Variants in APCDD1 observed in about 807,000 individuals in gnomAD.
APCDD1 encodes the protein protein APCDD1.
APCDD1 carries 15 observed loss-of-function variants against 38.1 expected under a neutral mutation model. The ratio of observed to expected loss-of-function variants is 0.39; its 90% CI spans 0.26 to 0.61. The LOEUF (loss-of-function observed/expected upper bound fraction) is 0.61. Among genes scored for constraint, APCDD1 ranks in the 20% least tolerant of loss-of-function variants. The pLI is 0.49. For missense variants in APCDD1, 647 were observed against 696.2 expected (o/e 0.93, Z 0.79); for synonymous variants, 261 against 279.7 (o/e 0.93, Z 0.67).
rs150951112 is a variant in APCDD1 at position 10,469,860 on chromosome 18, G to T, written c.242+1208G>T. Among the ~76,000 whole-genome samples, 26 of 152,308 alleles carry T rather than the reference G, an allele frequency of 1.7e-4. 1 individual carries two copies. In the East Asian group the frequency reaches 4.8e-3, roughly 28 times the overall value. On this transcript the variant is annotated intron_variant, in intron 2 of 4. Coordinates refer to ENST00000355285, the MANE Select transcript of APCDD1 (RefSeq NM_153000.5). This position sits in a 1 kb window ranked among gnomAD's most constrained non-coding sequence, Gnocchi z 5.5. The stretch of plus-strand genomic sequence containing the variant: ...GGAGGACCTGCTGGCTGAGAACCCT[G>T]TGGCTGGGATGCAGTAAACCAGGGC...
At chr18:10,474,777 A>G (rs1001233077) in intron 3 of APCDD1, among the ~76,000 whole-genome samples, 1 of 152,192 alleles carries the variant, frequency 6.6e-6, no homozygotes, top group Non-Finnish European at 1.5e-5. Flanking sequence ...GGGACACTTC[A>G]TTCCCGTCAA....
rs968262916 is a variant in APCDD1 at position 10,475,801 on chromosome 18, G to A, written c.774+3740G>A. Reference sequence around the variant, plus strand: ...GCCTCGCAAGATGGCTGAGGGGGGGGGGGGTCAGTGGAAGGCCGAGTGGCT... The same window carrying A: ...GCCTCGCAAGATGGCTGAGGGGGGGAGGGGTCAGTGGAAGGCCGAGTGGCT... On this transcript the variant is annotated intron_variant, in intron 3 of 4. Transcript: ENST00000355285. This position sits in a 1 kb window ranked among gnomAD's most constrained non-coding sequence, Gnocchi z 4.0. 2.0e-5 allele frequency: 3 copies of A among 151,690 alleles called. No individual in the cohort carries two copies. Among genetic ancestry groups the A allele is most frequent in the Non-Finnish European group, 4.4e-5 (3 of 68,146 alleles). The allele number at this position is 151,690 out of a possible 1,614,324, so 9.4% of individuals were successfully genotyped here.
chr18:10,484,934 C>T (rs528542996), intron 3 of APCDD1, among the ~76,000 whole-genome samples: 1 of 152,308 alleles, frequency 6.6e-6, no homozygotes, highest in East Asian at 1.9e-4. Context: ...TGGGTACATA[C>T]CCAGAAGTGA....
chr18:10,473,925 A>ATTTTT (rs10691722), intron 3 of APCDD1, among the ~76,000 whole-genome samples: 34 of 127,804 alleles, frequency 2.7e-4, no homozygotes, highest in Middle Eastern at 3.9e-3. Flanking sequence ...CCTTTCTGGG[A>ATTTTT]TTTTTTTTTT....
Position 10,455,365 on chromosome 18 carries a change from G to A in APCDD1, c.58+326G>A, listed in dbSNP as rs188011120. ...TCCAGTCCGAGGGAAACTTTCGTCCGCTCTGCTGGATTTTCCAACTGTACA... is the reference window on the plus strand; with the variant it reads ...TCCAGTCCGAGGGAAACTTTCGTCCACTCTGCTGGATTTTCCAACTGTACA... On this transcript the variant is annotated intron_variant, in intron 1 of 4. Coordinates refer to ENST00000355285, the MANE Select transcript of APCDD1 (RefSeq NM_153000.5). Among the ~76,000 whole-genome samples, 469 of 152,346 alleles carry A rather than the reference G, an allele frequency of 3.1e-3. 2 individuals carry two copies. Among genetic ancestry groups the A allele is most frequent in the African/African-American group, 0.011 (448 of 41,584 alleles).
chr18:10,482,403 G>T (rs533295143), intron 3 of APCDD1, among the ~76,000 whole-genome samples: 60 of 152,320 alleles, frequency 3.9e-4, no homozygotes, highest in African/African-American at 1.4e-3. Context: ...AGGCGGAGGG[G>T]GTAGCCACTA....
At chr18:10,486,212 G>A (rs548932590) in intron 4 of APCDD1, among the ~76,000 whole-genome samples, 1 of 152,270 alleles carries the variant, frequency 6.6e-6, no homozygotes, top group African/African-American at 2.4e-5. Flanking sequence ...AAATTAGCTG[G>A]ATGTGGTGGC....
Position 10,488,744 on chromosome 18 carries a change from C to T in APCDD1, c.*706C>T, listed in dbSNP as rs2031308905. On this transcript the variant is annotated 3_prime_UTR_variant, in exon 5 of 5. Coordinates refer to ENST00000355285, the MANE Select transcript of APCDD1 (RefSeq NM_153000.5). Reference sequence around the variant, plus strand: ...TTACCTTGTTGAGAGAGGAGACTGGCTTGTTGGCTTCTGGTTGTTGCAGGA... The same window carrying T: ...TTACCTTGTTGAGAGAGGAGACTGGTTTGTTGGCTTCTGGTTGTTGCAGGA... The T allele has an allele frequency of 6.6e-6, 1 of 151,330 alleles. No homozygotes were observed. Among genetic ancestry groups the T allele is most frequent in the African/African-American group, 2.4e-5 (1 of 40,964 alleles). 9.4% of individuals were successfully genotyped at this position (151,330 alleles called of 1,614,324 possible).
chr18:10,455,531 C>G (rs1159970879), intron 1 of APCDD1, among the ~76,000 whole-genome samples: 1 of 152,210 alleles, frequency 6.6e-6, no homozygotes, highest in African/African-American at 2.4e-5. Context: ...CTTCTGAAAA[C>G]TAGTGTTTGT....
rs1443752815 is a variant in APCDD1, at chr18:10,489,691, TC to T, written c.*1655del. ...TCGAGCCTGGGCAACAGAGCGAGAC[TC>T]CATCTCAAAAAAAAAAAAAAGTAAC... On this transcript the variant is annotated 3_prime_UTR_variant, in exon 5 of 5. Transcript: ENST00000355285. 1 of 125,884 alleles carries T rather than the reference TC, an allele frequency of 7.9e-6. No homozygotes were observed. The highest frequency in any genetic ancestry group is 1.6e-5 in the Non-Finnish European group (1 of 61,302). 7.8% of individuals were successfully genotyped at this position (125,884 alleles called of 1,614,324 possible). A position where few individuals can be genotyped will look rare whatever the true frequency, so the allele number is the denominator to read the frequency against.
rs567240333 is a variant in APCDD1, at chr18:10,476,388, A to G, written c.774+4327A>G. Reference sequence around the variant, plus strand: ...TGCTGGGAGGGTTCATTCAGGATGGAACTGGCTACTCTTCATTATAAAAAA... The same window carrying G: ...TGCTGGGAGGGTTCATTCAGGATGGGACTGGCTACTCTTCATTATAAAAAA... On this transcript the variant is annotated intron_variant, in intron 3 of 4. Coordinates refer to ENST00000355285, the MANE Select transcript of APCDD1 (RefSeq NM_153000.5). This position sits in a 1 kb window ranked among gnomAD's most constrained non-coding sequence, Gnocchi z 5.8. The G allele has an allele frequency of 1.3e-5, 2 of 152,350 alleles. No individual in the cohort carries two copies. Among genetic ancestry groups the G allele is most frequent in the East Asian group, 3.9e-4 (2 of 5,174 alleles). 9.4% of individuals were successfully genotyped at this position (152,350 alleles called of 1,614,324 possible).
At position 10,489,790 on chromosome 18, in the gene APCDD1, T is replaced by C. The variant is rs536180992; in HGVS notation, c.*1752T>C. On this transcript the variant is annotated 3_prime_UTR_variant, in exon 5 of 5. Coordinates refer to ENST00000355285, the MANE Select transcript of APCDD1 (RefSeq NM_153000.5). The stretch of plus-strand genomic sequence containing the variant: ...ACATAGAGTACCAAAGTGCTTCAGG[T>C]TATATTTTAAGTTGTGGTGCAGACT... 6.6e-6 allele frequency: 1 copy of C among 152,206 alleles called. No homozygotes were observed. Among genetic ancestry groups the C allele is most frequent in the Non-Finnish European group, 1.5e-5 (1 of 68,020 alleles). The allele number at this position is 152,206 out of a possible 1,614,324, so 9.4% of individuals were successfully genotyped here. A position where few individuals can be genotyped will look rare whatever the true frequency, so the allele number is the denominator to read the frequency against.
At chr18:10,463,839 T>C (rs1310025687) in intron 1 of APCDD1, among the ~76,000 whole-genome samples, 1 of 152,190 alleles carries the variant, frequency 6.6e-6, no homozygotes, top group Non-Finnish European at 1.5e-5. Flanking sequence ...ACCCCATTTT[T>C]CCATCTTAGA....
Position 10,485,736 on chromosome 18 carries a change from G to A in APCDD1, c.1049G>A (p.Gly350Asp), listed in dbSNP as rs758100126. ...TACGCCCGGGGCCGCTACAGCCGCG[G>A]CGTCCTCTCGTCCAGGGTCATGGGA... ...SIYARGRYSR[G>D]VLSSRVMGGT... Residue 350 changes from glycine (G) to aspartate (D), a missense_variant, in exon 4 of 5, where the codon GGC (glycine) becomes GAC (aspartate). Physicochemically the swap from Gly to Asp is moderately conservative, Grantham distance 94. Coordinates refer to ENST00000355285, the MANE Select transcript of APCDD1 (RefSeq NM_153000.5). The surrounding 1 kb of genome is among the most constrained non-coding windows in gnomAD (Gnocchi z 5.8). The A allele has an allele frequency of 1.2e-6, 2 of 1,614,016 alleles. No individual in the cohort carries two copies. The highest frequency in any genetic ancestry group is 1.7e-6 in the Non-Finnish European group (2 of 1,180,036).
In APCDD1 at chr18:10,470,445, T is replaced by C. The variant is rs532495962; in HGVS notation, c.243-1085T>C. ...ACGTTACATAGCAACGGTACCCCTG[T>C]CTAAATAATGCTTATCTTTCACCAG... On this transcript the variant is annotated intron_variant, in intron 2 of 4. Coordinates refer to ENST00000355285, the MANE Select transcript of APCDD1 (RefSeq NM_153000.5). This position sits in a 1 kb window ranked among gnomAD's most constrained non-coding sequence, Gnocchi z 4.1. Among the ~76,000 whole-genome samples, 3 of 152,344 alleles carry C rather than the reference T, an allele frequency of 2.0e-5. No individual in the cohort carries two copies. Among genetic ancestry groups the C allele is most frequent in the Admixed American group, 6.5e-5 (1 of 15,304 alleles).
Position 10,472,484 on chromosome 18 carries a change from G to C in APCDD1, c.774+423G>C, listed in dbSNP as rs972075655. 2.0e-5 allele frequency among the ~76,000 whole-genome samples: 3 copies of C among 152,210 alleles called. No homozygotes were observed. The highest frequency in any genetic ancestry group is 2.9e-5 in the Non-Finnish European group (2 of 68,032). The stretch of plus-strand genomic sequence containing the variant: ...CTACCCAGGCCCTGGAGGAGGCGGG[G>C]AGGGACAGAAAGGGGAGGTGACAGT... On this transcript the variant is annotated intron_variant, in intron 3 of 4. Transcript: ENST00000355285. The surrounding 1 kb of genome is among the most constrained non-coding windows in gnomAD (Gnocchi z 6.6).
intron 1 of APCDD1, among the ~76,000 whole-genome samples, chr18:10,462,134 C>T (rs1216386080): frequency 6.6e-6 from 1 of 152,064 alleles, no homozygotes; most frequent in African/African-American, 2.4e-5. Flanking sequence ...CCAACACTTC[C>T]AATTACACAA....
At chr18:10,466,413 A>G (rs1199433964) in intron 1 of APCDD1, among the ~76,000 whole-genome samples, 1 of 149,284 alleles carries the variant, frequency 6.7e-6, no homozygotes, top group Non-Finnish European at 1.5e-5. Flanking sequence ...ATGGGTGCCC[A>G]TGATAGGAGT....
At chr18:10,484,191 G>A (rs1385692249) in intron 3 of APCDD1, among the ~76,000 whole-genome samples, 2 of 152,234 alleles carry the variant, frequency 1.3e-5, no homozygotes, top group Admixed American at 6.5e-5. Context: ...GATGAGGAAC[G>A]CAGAAACCTT....
Sources: gnomAD v4.1 joint callset for allele counts (sites outside exome capture counted in the v4.1 genomes callset) on GRCh38, gnomAD v4.1.1 for gene constraint, Gnocchi (gnomAD v3.1) non-coding constraint, MANE v1.5 for transcripts, NCBI Gene and HGNC (gene_info 2026-07-23, HGNC 2026-07-21) for gene names.